Variants in SUPT3H observed in about 807,000 individuals in gnomAD.
The protein encoded by SUPT3H is SPT3 homolog, SAGA and STAGA complex component.
Under a neutral mutation model 44.3 loss-of-function variants are expected in SUPT3H, and 44 were observed. The observed-to-expected ratio is 0.99, with a 90% CI of 0.78 to 1.28. The LOEUF is 1.28. Ranked by LOEUF, SUPT3H falls within the 50% of genes most tolerant of loss-of-function variation. The pLI is 0.00. For synonymous variants in SUPT3H, 124 were observed against 125.6 expected (o/e 0.99, Z 0.09); for missense variants, 380 against 387.1 (o/e 0.98, Z 0.15).
chr6:45,260,457 A>T (rs1774181938), intron 2 of SUPT3H, among the ~76,000 whole-genome samples: 1 of 152,068 alleles, frequency 6.6e-6, no homozygotes, highest in Admixed American at 6.6e-5. Context: ...AAATTAACAC[A>T]TTTTCTAAAA....
At chr6:45,315,695 C>A (rs1232108749) in intron 2 of SUPT3H, among the ~76,000 whole-genome samples, 1 of 152,106 alleles carries the variant, frequency 6.6e-6, no homozygotes, top group East Asian at 1.9e-4. Flanking sequence ...TAAACCAGTA[C>A]AAGCTGCTAT....
intron 2 of SUPT3H, among the ~76,000 whole-genome samples, chr6:45,349,282 T>C (rs1264779662): frequency 6.6e-6 from 1 of 152,190 alleles, no homozygotes; most frequent in Non-Finnish European, 1.5e-5. Context: ...ATTTAATGAG[T>C]CCACTAAAAT....
At chr6:45,248,893 G>A (rs1266050100) in intron 2 of SUPT3H, among the ~76,000 whole-genome samples, 14 of 144,120 alleles carry the variant, frequency 9.7e-5, no homozygotes, top group African/African-American at 3.6e-4. Flanking sequence ...CCAGCCTGGT[G>A]ACAGAGCAAG....
intron 6 of SUPT3H, among the ~76,000 whole-genome samples, chr6:44,992,404 G>A (rs1780726934): frequency 6.6e-6 from 1 of 152,160 alleles, no homozygotes; most frequent in Non-Finnish European, 1.5e-5. Context: ...AGTGTTCACA[G>A]TGTGCAGTGC....
At chr6:45,207,219 G>A (rs1170448242) in intron 2 of SUPT3H, among the ~76,000 whole-genome samples, 1 of 152,174 alleles carries the variant, frequency 6.6e-6, no homozygotes, top group African/African-American at 2.4e-5. Flanking sequence ...GAAGTCAAGT[G>A]AATGAAGTCT....
chr6:45,299,795 A>G (rs975523512), intron 2 of SUPT3H, among the ~76,000 whole-genome samples: 5 of 152,036 alleles, frequency 3.3e-5, no homozygotes, highest in Non-Finnish European at 7.4e-5. Flanking sequence ...TCATGTACAT[A>G]TATATACATC....
chr6:45,176,294 G>GA, intron 2 of SUPT3H, among the ~76,000 whole-genome samples: 1 of 151,776 alleles, frequency 6.6e-6, no homozygotes, highest in East Asian at 1.9e-4. Flanking sequence ...TTCCCTTTCC[G>GA]AGTCAAAGAA....
intron 7 of SUPT3H, among the ~76,000 whole-genome samples, chr6:44,956,852 TCAGATATTCTTTCA>T (rs986862093): frequency 1.3e-5 from 2 of 152,200 alleles, no homozygotes; most frequent in Admixed American, 6.5e-5. Context: ...ACTGATACCA[TCAGATATTCTTTCA>T]CAAATGCTTA....
chr6:45,223,076 A>C (rs1302211471), intron 2 of SUPT3H, among the ~76,000 whole-genome samples: 3 of 151,992 alleles, frequency 2.0e-5, no homozygotes, highest in Non-Finnish European at 4.4e-5. Context: ...TGGAGGCTAT[A>C]AAAGGGGAAG....
At chr6:45,300,666 G>T (rs967758901) in intron 2 of SUPT3H, among the ~76,000 whole-genome samples, 2 of 152,176 alleles carry the variant, frequency 1.3e-5, no homozygotes, top group East Asian at 3.8e-4. Context: ...TCTGAAAAGA[G>T]ATAGTGGTGA....
chr6:45,139,748 T>G (rs748762193), intron 2 of SUPT3H, among the ~76,000 whole-genome samples: 4 of 152,078 alleles, frequency 2.6e-5, no homozygotes, highest in Non-Finnish European at 5.9e-5. Flanking sequence ...TCCCAGTCTA[T>G]AACATGAGCA....
intron 2 of SUPT3H, among the ~76,000 whole-genome samples, chr6:45,170,149 T>C (rs969180871): frequency 1.3e-5 from 2 of 152,164 alleles, no homozygotes; most frequent in African/African-American, 4.8e-5. Flanking sequence ...GGTAAGAAAA[T>C]TTACCTCTTA....
chr6:44,940,040 A>G (rs1009749715), intron 9 of SUPT3H, among the ~76,000 whole-genome samples: 1 of 150,308 alleles, frequency 6.7e-6, no homozygotes, highest in African/African-American at 2.4e-5. Context: ...TTTTGTCTTT[A>G]TTTTTATTTA....
intron 2 of SUPT3H, among the ~76,000 whole-genome samples, chr6:45,190,807 C>A (rs1195003791): frequency 3.3e-5 from 5 of 152,018 alleles, no homozygotes; most frequent in Admixed American, 3.3e-4. Context: ...AGAACATACA[C>A]ACATAGCAAA....
chr6:44,915,988 C>T (rs61496980), intron 10 of SUPT3H, among the ~76,000 whole-genome samples: 3,710 of 152,280 alleles, frequency 0.024, 152 homozygotes, highest in African/African-American at 0.083. Context: ...AAATATTTTA[C>T]AGAGTTTGAC....
chr6:45,005,224 T>A (rs1286128374), intron 5 of SUPT3H, among the ~76,000 whole-genome samples: 1 of 152,194 alleles, frequency 6.6e-6, no homozygotes, highest in African/African-American at 2.4e-5. Context: ...ATATTTAATT[T>A]CCCTAATGAA....
intron 10 of SUPT3H, among the ~76,000 whole-genome samples, chr6:44,929,964 T>TA (rs1562067824): frequency 6.6e-6 from 1 of 152,090 alleles, no homozygotes; most frequent in Non-Finnish European, 1.5e-5. Context: ...AAAGCATAGG[T>TA]AGCCTGGGCG....
At chr6:45,361,906 C>T (rs1330140162) in intron 2 of SUPT3H, among the ~76,000 whole-genome samples, 1 of 152,076 alleles carries the variant, frequency 6.6e-6, no homozygotes, top group Non-Finnish European at 1.5e-5. Context: ...CAAAAATCAG[C>T]CTGGCGTGGT....
chr6:45,345,747 C>T (rs1404790162), intron 2 of SUPT3H, among the ~76,000 whole-genome samples: 1 of 152,176 alleles, frequency 6.6e-6, no homozygotes, highest in African/African-American at 2.4e-5. Context: ...AGTATCAATG[C>T]ACACCGTACC....
Sources: allele counts gnomAD v4.1 joint callset (sites outside exome capture counted in the v4.1 genomes callset), GRCh38; gene constraint gnomAD v4.1.1; transcripts MANE v1.5; gene names NCBI Gene and HGNC (gene_info 2026-07-23, HGNC 2026-07-21).